Variants in ICE2 observed in about 807,000 individuals in gnomAD.
The protein encoded by ICE2 is little elongation complex subunit 2.
In ICE2, 87 loss-of-function variants were observed where a neutral mutation model predicts 105.4. The ratio of observed to expected loss-of-function variants is 0.83; its 90% CI spans 0.69 to 0.99. The LOEUF (loss-of-function observed/expected upper bound fraction) is 0.99, where lower values mean the gene tolerates loss of function less well. Among genes scored for constraint, ICE2 ranks in the 50% least tolerant of loss-of-function variants. The pLI is 0.00. For synonymous variants in ICE2, 399 were observed against 392.0 expected, an observed-to-expected ratio of 1.02 and a Z score of -0.21; for missense variants, 1,323 against 1,146.7, an observed-to-expected ratio of 1.15 and a Z score of -2.22.
At chr15:60,467,127 A>G (rs1269174315) in intron 4 of ICE2, among the ~76,000 whole-genome samples, 1 of 152,016 alleles carries the variant, frequency 6.6e-6, no homozygotes, top group East Asian at 1.9e-4. Context: ...TCACCTGGCT[A>G]ATTTTTTGTA....
At chr15:60,434,436 T>C (rs1310884951) in intron 13 of ICE2, among the ~76,000 whole-genome samples, 2 of 152,128 alleles carry the variant, frequency 1.3e-5, no homozygotes, top group Non-Finnish European at 2.9e-5. Flanking sequence ...ACTGGCATTA[T>C]ATTTAATTTG....
chr15:60,474,387 C>CA (rs1555416829), intron 3 of ICE2, among the ~76,000 whole-genome samples: 41 of 152,176 alleles, frequency 2.7e-4, no homozygotes, highest in Middle Eastern at 6.8e-3. Context: ...TGTAAAAAGG[C>CA]TGCTCACTGT....
rs769094267 is a variant in ICE2, at chr15:60,423,737, C to T, written c.2846G>A (p.Arg949His). 6.3e-6 allele frequency: 10 copies of T among 1,597,510 alleles called. No individual in the cohort carries two copies. Among genetic ancestry groups the T allele is most frequent in the Admixed American group, 3.6e-5 (2 of 55,506 alleles). Residue 949 changes from arginine (R) to histidine (H), a missense_variant, in exon 16 of 16, where the codon CGC becomes CAC. Physicochemically the swap from Arg to His is conservative, Grantham distance 29 (BLOSUM62 0). Coordinates refer to ENST00000261520, the MANE Select transcript of ICE2 (RefSeq NM_024611.6). Reference protein sequence around the residue: ...QKIGGTRMPTRSHRNPVSMET... With the variant: ...QKIGGTRMPTHSHRNPVSMET... ...CATGGAAACTGGATTCCTGTGGCTGCGTGTAGGCATTCTCGTTCCACCAAT... is the reference window on the plus strand; with the variant it reads ...CATGGAAACTGGATTCCTGTGGCTGTGTGTAGGCATTCTCGTTCCACCAAT...
At chr15:60,443,843 C>T (rs144915760) in intron 11 of ICE2, among the ~76,000 whole-genome samples, 75 of 152,046 alleles carry the variant, frequency 4.9e-4, no homozygotes, top group African/African-American at 1.7e-3. Context: ...CCTATAATCC[C>T]AGCATTTTGG....
intron 3 of ICE2, among the ~76,000 whole-genome samples, chr15:60,469,829 C>T (rs1426721255): frequency 6.6e-6 from 1 of 152,190 alleles, no homozygotes; most frequent in African/African-American, 2.4e-5. Flanking sequence ...TTTAAGAAGT[C>T]ACCTTATCCA....
chr15:60,454,926 A>G (rs747058781), intron 8 of ICE2, 77 bp downstream of exon 8: 75 of 1,300,440 alleles, frequency 5.8e-5, no homozygotes, highest in Middle Eastern at 2.1e-4. Context: ...TCATTGTTCA[A>G]CTCCTATTTA....
intron 14 of ICE2, among the ~76,000 whole-genome samples, chr15:60,431,123 C>T (rs753301466): frequency 2.5e-4 from 38 of 151,946 alleles, no homozygotes; most frequent in Admixed American, 4.6e-4. Context: ...CCGCCTACCT[C>T]GGCCTCCCAA....
chr15:60,442,400 CTT>C lies in ICE2; in HGVS notation c.2425+14_2425+15del. On this transcript the variant is annotated intron_variant, in intron 12 of 15. Transcript: ENST00000261520. ...AGAAAATTAAAAAGGAGAATAAAGA[CTT>C]TTGTATAACTTACCAACATAAAATG... 1 of 1,573,410 alleles carries C rather than the reference CTT, an allele frequency of 6.4e-7. No individual in the cohort carries two copies. Among genetic ancestry groups the C allele is most frequent in the South Asian group, 1.2e-5 (1 of 83,178 alleles).
intron 15 of ICE2, 34 bp downstream of exon 15, chr15:60,428,395 C>A: frequency 6.3e-7 from 1 of 1,596,704 alleles, no homozygotes; most frequent in African/African-American, 1.3e-5. Context: ...TAATAAACAA[C>A]CTAATGAACC....
chr15:60,431,224 T>A (rs1469095797), intron 14 of ICE2, among the ~76,000 whole-genome samples: 1 of 151,978 alleles, frequency 6.6e-6, no homozygotes, highest in South Asian at 2.1e-4. Flanking sequence ...AATATAGCTA[T>A]GGTGGGCTGA....
At chr15:60,462,038 G>C (rs567927214) in intron 5 of ICE2, among the ~76,000 whole-genome samples, 3 of 151,914 alleles carry the variant, frequency 2.0e-5, no homozygotes, top group Non-Finnish European at 4.4e-5. Context: ...AAAAAGAAAA[G>C]ACACCAACAT....
rs1485223301 is a variant in ICE2 at position 60,466,307 on chromosome 15, A to G, written c.528+287T>C. On this transcript the variant is annotated intron_variant, in intron 5 of 15. Transcript: ENST00000261520. ...ACGCTTTAAATGCTATTCTCTCACA[A>G]GGGAAGTCAGTGGGTCAGTTCAAAC... Among the ~76,000 whole-genome samples, 6 of 152,350 alleles carry G rather than the reference A, an allele frequency of 3.9e-5. No individual in the cohort carries two copies. The East Asian group carries it at 1.2e-3, about 29-fold the overall frequency.
intron 13 of ICE2, among the ~76,000 whole-genome samples, chr15:60,434,664 A>T (rs1372774819): frequency 1.3e-5 from 2 of 152,214 alleles, no homozygotes; most frequent in Non-Finnish European, 2.9e-5. Flanking sequence ...GCACAGAAAG[A>T]CAAATATTGC....
intron 14 of ICE2, among the ~76,000 whole-genome samples, chr15:60,429,123 C>A (rs1417484498): frequency 6.6e-6 from 1 of 152,130 alleles, no homozygotes; most frequent in East Asian, 1.9e-4. Context: ...GTTTGCTACA[C>A]TGAGTAGTTT....
intron 5 of ICE2, among the ~76,000 whole-genome samples, chr15:60,460,314 T>C (rs1340657688): frequency 6.6e-6 from 1 of 152,122 alleles, no homozygotes; most frequent in Non-Finnish European, 1.5e-5. Context: ...CTGGCCAACA[T>C]GGTGAAATCC....
At chr15:60,448,742 A>G (rs1204364519) in intron 10 of ICE2, 106 bp downstream of exon 10, 1 of 936,800 alleles carries the variant, frequency 1.1e-6, no homozygotes, top group Non-Finnish European at 1.6e-6. Flanking sequence ...CAGTGACTAT[A>G]TGACAATTAC....
intron 15 of ICE2, among the ~76,000 whole-genome samples, chr15:60,426,820 G>T (rs375474385): frequency 6.6e-5 from 10 of 152,108 alleles, no homozygotes; most frequent in East Asian, 3.8e-4. Context: ...TATAATCAGT[G>T]TTTCTAAATT....
In ICE2 at chr15:60,449,216, C is replaced by T. The variant is rs771572273; in HGVS notation, c.1751G>A (p.Cys584Tyr). Residue 584 changes from cysteine (C) to tyrosine (Y), a missense_variant, in exon 10 of 16, where the codon TGT becomes TAT. By Grantham distance (194) the Cys-to-Tyr change is radical. Transcript: ENST00000261520. Reference protein sequence around the residue: ...DEECLIIDTECKNNSDGKTAV... With the variant: ...DEECLIIDTEYKNNSDGKTAV... Reference sequence around the variant, plus strand: ...TGTCTTTCCATCACTATTATTTTTACATTCTGTATCAATGATTAAACACTC... The same window carrying T: ...TGTCTTTCCATCACTATTATTTTTATATTCTGTATCAATGATTAAACACTC... 1 of 1,614,050 alleles carries T rather than the reference C, an allele frequency of 6.2e-7. No individual in the cohort carries two copies.
At chr15:60,456,635 A>C (rs760226135) in intron 6 of ICE2, 22 bp downstream of exon 6, 6 of 1,516,536 alleles carry the variant, frequency 4.0e-6, no homozygotes, top group South Asian at 1.2e-5. Flanking sequence ...AAAAGCTTAT[A>C]TCGTCTGATA....
Sources: allele counts gnomAD v4.1 joint callset (sites outside exome capture counted in the v4.1 genomes callset), GRCh38; gene constraint gnomAD v4.1.1; transcripts MANE v1.5; gene names NCBI Gene and HGNC (gene_info 2026-07-23, HGNC 2026-07-21).